CAPZB: variants seen among roughly 807,000 people sequenced by gnomAD.
The protein encoded by CAPZB is capping actin protein of muscle Z-line subunit beta.
CAPZB carries 2 observed loss-of-function variants against 38.1 expected under a neutral mutation model. The observed-to-expected ratio is 0.05, with a 90% CI of 0.02 to 0.17. The LOEUF (loss-of-function observed/expected upper bound fraction) is 0.17, where lower values mean the gene tolerates loss of function less well. Ranked by LOEUF, CAPZB falls within the 10% of genes least tolerant of loss-of-function variation. The pLI, the probability that CAPZB is intolerant of heterozygous loss-of-function variation, is 1.00. For synonymous variants in CAPZB, 107 were observed against 127.4 expected (o/e 0.84, Z 1.08); for missense variants, 161 against 334.2 (o/e 0.48, Z 4.04).
At chr1:19,481,385 C>T (rs568344329) in intron 1 of CAPZB, among the ~76,000 whole-genome samples, 4 of 152,272 alleles carry the variant, frequency 2.6e-5, no homozygotes, top group Middle Eastern at 3.4e-3. Flanking sequence ...CCTGTATTTA[C>T]GGGGCCCTCT....
At chr1:19,404,631 C>T (rs1345051565) in intron 2 of CAPZB, among the ~76,000 whole-genome samples, 1 of 152,012 alleles carries the variant, frequency 6.6e-6, no homozygotes, top group Non-Finnish European at 1.5e-5. Flanking sequence ...CCCTCTCCCA[C>T]CTGGAAGAAG....
At chr1:19,341,430 G>A (rs965546513) in intron 8 of CAPZB, among the ~76,000 whole-genome samples, 3 of 152,176 alleles carry the variant, frequency 2.0e-5, no homozygotes, top group Non-Finnish European at 4.4e-5. Flanking sequence ...GTCTTGGCTG[G>A]ATCACACGAA....
chr1:19,389,801 C>T (rs760002968), intron 2 of CAPZB, among the ~76,000 whole-genome samples: 7 of 152,308 alleles, frequency 4.6e-5, no homozygotes, highest in Non-Finnish European at 7.3e-5. Flanking sequence ...TCCTTCAGGG[C>T]CTGGCCCAAA....
chr1:19,411,179 A>G (rs2100439479), intron 2 of CAPZB, among the ~76,000 whole-genome samples: 1 of 152,342 alleles, frequency 6.6e-6, no homozygotes, highest in South Asian at 2.1e-4. Flanking sequence ...CCTGGGCAAC[A>G]TGGTGAGACC....
At chr1:19,484,233 A>G (rs1468687913) in intron 1 of CAPZB, 6 of 1,612,658 alleles carry the variant, frequency 3.7e-6, no homozygotes, top group East Asian at 2.2e-5. Context: ...AACCCTTGCA[A>G]GCTGACAGTT....
intron 6 of CAPZB, among the ~76,000 whole-genome samples, chr1:19,350,062 T>G (rs1366519484): frequency 6.6e-6 from 1 of 152,252 alleles, no homozygotes. Context: ...CTGGCCCGTG[T>G]GTCCCCAGCA....
intron 1 of CAPZB, chr1:19,484,821 C>G (rs1038691127): frequency 2.4e-6 from 1 of 411,040 alleles, no homozygotes; most frequent in Admixed American, 6.4e-5. Flanking sequence ...CAGACGGGGG[C>G]CATGGGCGGA....
intron 1 of CAPZB, chr1:19,484,043 A>G (rs2100831249): frequency 1.3e-6 from 1 of 764,132 alleles, no homozygotes; most frequent in South Asian, 1.8e-5. Context: ...CCTGTCCTGC[A>G]GAAGGGTCAA....
At chr1:19,437,554 T>C (rs909259900) in intron 1 of CAPZB, among the ~76,000 whole-genome samples, 29 of 152,318 alleles carry the variant, frequency 1.9e-4, no homozygotes, top group African/African-American at 7.0e-4. Context: ...CTCGAAAGCC[T>C]GTGTACCTTC....
intron 4 of CAPZB, among the ~76,000 whole-genome samples, chr1:19,359,210 C>CTTTTTTTTTTTT (rs57251931): frequency 8.7e-6 from 1 of 114,412 alleles, no homozygotes; most frequent in African/African-American, 3.4e-5. Flanking sequence ...TCTCTGTACT[C>CTTTTTTTTTTTT]TTTTTTTTTT....
chr1:19,426,380 C>T (rs942256180), intron 1 of CAPZB, among the ~76,000 whole-genome samples: 4 of 152,058 alleles, frequency 2.6e-5, no homozygotes, highest in African/African-American at 9.7e-5. Context: ...CCATAACAAG[C>T]AGTCCCATCC....
At chr1:19,455,323 TAG>T (rs1027732025) in intron 1 of CAPZB, among the ~76,000 whole-genome samples, 2 of 152,232 alleles carry the variant, frequency 1.3e-5, no homozygotes, top group Non-Finnish European at 2.9e-5. Context: ...TGGGATCCCA[TAG>T]AGAGAGAGTC....
chr1:19,347,644 G>C (rs1208692412), intron 6 of CAPZB, among the ~76,000 whole-genome samples: 1 of 152,166 alleles, frequency 6.6e-6, no homozygotes, highest in Non-Finnish European at 1.5e-5. Context: ...TTAAGTAAAG[G>C]CCCAGCTGAG....
chr1:19,449,268 G>A (rs370493135), intron 1 of CAPZB: 13 of 1,064,598 alleles, frequency 1.2e-5, no homozygotes, highest in East Asian at 1.3e-4. Context: ...TGAAAATTCC[G>A]ATGACAGCCA....
rs570534798 is a variant in CAPZB at position 19,439,132 on chromosome 1, C to T, written c.4-19382G>A. Among the ~76,000 whole-genome samples the T allele has an allele frequency of 2.0e-5, 3 of 152,314 alleles. No individual in the cohort carries two copies. In the South Asian group the frequency reaches 6.2e-4, roughly 32 times the overall value. On this transcript the variant is annotated intron_variant, in intron 1 of 8. Coordinates refer to ENST00000264202, the MANE Select transcript of CAPZB (RefSeq NM_004930.5). ...TGAGAGCTGCCTGTGGCCAAGAAGC[C>T]TCCCGGCTTGGGCTGGCCCATCTGA...
chr1:19,385,429 C>T (rs111957850), intron 3 of CAPZB, 76 bp downstream of exon 3: 34 of 1,581,116 alleles, frequency 2.2e-5, no homozygotes, highest in African/African-American at 9.4e-5. Context: ...CCAAGGTCCC[C>T]GTGCTCTGCA....
At chr1:19,339,765 G>A in intron 8 of CAPZB, 148 bp from the exon 9 acceptor site, 1 of 703,632 alleles carries the variant, frequency 1.4e-6, no homozygotes, top group Non-Finnish European at 2.6e-6. Context: ...CTGGGCATCT[G>A]CCCCTCTCAG....
intron 1 of CAPZB, among the ~76,000 whole-genome samples, chr1:19,449,879 G>A (rs2094508923): frequency 1.3e-5 from 2 of 151,668 alleles, no homozygotes; most frequent in African/African-American, 4.8e-5. Context: ...AGTAGCTCAC[G>A]CCTGTTATCC....
At chr1:19,479,387 T>G (rs909192319) in intron 1 of CAPZB, among the ~76,000 whole-genome samples, 11 of 152,184 alleles carry the variant, frequency 7.2e-5, no homozygotes, top group African/African-American at 2.7e-4. Flanking sequence ...GATGGATCAC[T>G]GGGCTACCCA....
Sources: allele counts gnomAD v4.1 joint callset (sites outside exome capture counted in the v4.1 genomes callset), GRCh38; gene constraint gnomAD v4.1.1; transcripts MANE v1.5; gene names NCBI Gene and HGNC (gene_info 2026-07-23, HGNC 2026-07-21).